CDSN: variants seen among roughly 807,000 people sequenced by gnomAD.
The protein encoded by CDSN is S protein.
CDSN carries 11 observed loss-of-function variants against 25.6 expected under a neutral mutation model. The ratio of observed to expected loss-of-function variants is 0.43; its 90% CI spans 0.27 to 0.71. The LOEUF (loss-of-function observed/expected upper bound fraction) is 0.71. Among genes scored for constraint, CDSN ranks in the 30% least tolerant of loss-of-function variants. The probability of loss-of-function intolerance (pLI) is 0.20; values close to 1 mark genes in which losing one functional copy is unlikely to be tolerated. For synonymous variants in CDSN, 266 were observed against 267.4 expected (o/e 0.99, Z 0.05); for missense variants, 598 against 670.9 (o/e 0.89, Z 1.20).
At position 31,115,264 on chromosome 6, in the gene CDSN, C is replaced by T; in HGVS notation, c.*761G>A. 4.2e-6 allele frequency: 1 copy of T among 238,628 alleles called. No homozygotes were observed. The allele number at this position is 238,628 out of a possible 1,614,324, so 14.8% of individuals were successfully genotyped here. A position where few individuals can be genotyped will look rare whatever the true frequency, so the allele number is the denominator to read the frequency against. ...CCAGGACTCCAAGAAGGCAAAAAGT[C>T]TGCACCTAGTCCCCACAGTTTACTG... On this transcript the variant is annotated 3_prime_UTR_variant, in exon 2 of 2. Coordinates refer to ENST00000376288, the MANE Select transcript of CDSN (RefSeq NM_001264.5). This position sits in a 1 kb window ranked among gnomAD's most constrained non-coding sequence, Gnocchi z 4.2.
At chr6:31,119,556 A>G (rs1251557941) in intron 1 of CDSN, among the ~76,000 whole-genome samples, 1 of 152,166 alleles carries the variant, frequency 6.6e-6, no homozygotes, top group Non-Finnish European at 1.5e-5. Context: ...CCTCATCTGT[A>G]GAGTGGAAAT....
Position 31,117,165 on chromosome 6 carries a change from GCTT to G in CDSN, c.447_449del (p.Ser153del), listed in dbSNP as rs34182778. ...TGCTGCTGCTCGAATGAGAGCTGCT[GCTT>G]CCCGAGTGAGAGCCGCTGTTTCCCG... On this transcript the variant is annotated inframe_deletion, in exon 2 of 2. Transcript: ENST00000376288. 0.23 allele frequency: 378,688 copies of G among 1,613,468 alleles called. 47,278 individuals are homozygous for G. The highest frequency in any genetic ancestry group is 0.25 in the Non-Finnish European group (300,361 of 1,179,550).
chr6:31,118,307 C>A (rs1772276419), intron 1 of CDSN: 1 of 152,442 alleles, frequency 6.6e-6, no homozygotes, highest in Non-Finnish European at 1.5e-5. Context: ...TATCTCAGCA[C>A]TGGCCATGCC....
At position 31,115,979 on chromosome 6, in the gene CDSN, G is replaced by T; in HGVS notation, c.*46C>A. The T allele has an allele frequency of 6.5e-7, 1 of 1,527,130 alleles. No homozygotes were observed. The highest frequency in any genetic ancestry group is 9.1e-7 in the Non-Finnish European group (1 of 1,104,568). 94.6% of individuals were successfully genotyped at this position (1,527,130 alleles called of 1,614,324 possible). A position where few individuals can be genotyped will look rare whatever the true frequency, so the allele number is the denominator to read the frequency against. The stretch of plus-strand genomic sequence containing the variant: ...TTCTCCCATATGGGATATAGTGTAT[G>T]TGCTTGTTTGTGCCCAAGGCATGCA... On this transcript the variant is annotated 3_prime_UTR_variant, in exon 2 of 2. Coordinates refer to ENST00000376288, the MANE Select transcript of CDSN (RefSeq NM_001264.5). This position sits in a 1 kb window ranked among gnomAD's most constrained non-coding sequence, Gnocchi z 4.2.
In CDSN at chr6:31,117,424, C is replaced by G. The variant is rs1371116630; in HGVS notation, c.191G>C (p.Gly64Ala). 8 of 1,560,356 alleles carry G rather than the reference C, an allele frequency of 5.1e-6. No homozygotes were observed. The highest frequency in any genetic ancestry group is 1.7e-4 in the Middle Eastern group (1 of 6,000). Reference sequence around the variant, plus strand: ...GCTGGAGCCACTGTAGCTACTGAAACCGCTGGAGTCACCCTTCCCAGTGAG... The same window carrying G: ...GCTGGAGCCACTGTAGCTACTGAAAGCGCTGGAGTCACCCTTCCCAGTGAG... ...PCLTGKGDSS[G>A]FSSYSGSSSS... Residue 64 changes from glycine (G) to alanine (A), a missense_variant, in exon 2 of 2, where the codon GGT becomes GCT. Physicochemically the swap from Gly to Ala is moderately conservative, Grantham distance 60. Transcript: ENST00000376288.
In CDSN at chr6:31,115,291, G is replaced by A; in HGVS notation, c.*734C>T. ...GCACCTAGTCCCCACAGTTTACTGAGCCATCTGTCCAGGATCCAGGGACAG... is the reference window on the plus strand; with the variant it reads ...GCACCTAGTCCCCACAGTTTACTGAACCATCTGTCCAGGATCCAGGGACAG... On this transcript the variant is annotated 3_prime_UTR_variant, in exon 2 of 2. Coordinates refer to ENST00000376288, the MANE Select transcript of CDSN (RefSeq NM_001264.5). This position sits in a 1 kb window ranked among gnomAD's most constrained non-coding sequence, Gnocchi z 4.2. 4.5e-6 allele frequency: 1 copy of A among 220,382 alleles called. No homozygotes were observed. Among genetic ancestry groups the A allele is most frequent in the Non-Finnish European group, 9.1e-6 (1 of 109,686 alleles). The allele number at this position is 220,382 out of a possible 1,614,324, so 13.7% of individuals were successfully genotyped here.
intron 1 of CDSN, among the ~76,000 whole-genome samples, chr6:31,119,032 G>A (rs1454263006): frequency 6.6e-6 from 1 of 151,648 alleles, no homozygotes; most frequent in Non-Finnish European, 1.5e-5. Flanking sequence ...TTAGTAGAGA[G>A]GGGGTTTCAC....
rs151161637 is a variant in CDSN at position 31,116,611 on chromosome 6, C to G, written c.1004G>C (p.Gly335Ala). The stretch of plus-strand genomic sequence containing the variant: ...GGGCCCAGCTGCAAAGGAAGGGACC[C>G]CTGGAGAGCCTTTCACAGGGTTCTC... The part of the protein sequence containing the change: ...TKENPVKGSP[G>A]VPSFAAGPPI... The change falls in exon 2 of 2, where the codon GGG (glycine) becomes GCG (alanine). Residue 335 changes from glycine (G) to alanine (A), a missense_variant. Gly to Ala is a moderately conservative substitution (Grantham distance 60, BLOSUM62 0). Transcript: ENST00000376288. The G allele has an allele frequency of 1.6e-4, 258 of 1,613,230 alleles. No homozygotes were observed. Among genetic ancestry groups the G allele is most frequent in the Non-Finnish European group, 2.1e-4 (251 of 1,180,004 alleles).
Position 31,116,745 on chromosome 6 carries a change from G to A in CDSN, c.870C>T (p.Asp290=), listed in dbSNP as rs747535254. Reference sequence around the variant, plus strand: ...CCACCTCGTAGCCACCATAGGATTTGTCTACAGAGGTGATTGGGGGACAGG... The same window carrying A: ...CCACCTCGTAGCCACCATAGGATTTATCTACAGAGGTGATTGGGGGACAGG... ...GKPCPPITSV[D]KSYGGYEVVG... The change falls in exon 2 of 2, where the codon GAC becomes GAT. Residue 290 remains aspartate (D), a synonymous_variant. Coordinates refer to ENST00000376288, the MANE Select transcript of CDSN (RefSeq NM_001264.5). The A allele has an allele frequency of 5.0e-6, 8 of 1,612,932 alleles. No homozygotes were observed. The African/African-American group carries it at 1.1e-4, about 22-fold the overall frequency.
chr6:31,119,200 C>T (rs1259322298), intron 1 of CDSN, among the ~76,000 whole-genome samples: 1 of 152,112 alleles, frequency 6.6e-6, no homozygotes, highest in Non-Finnish European at 1.5e-5. Flanking sequence ...GCCACTCATC[C>T]TGATCCCTCC....
chr6:31,117,033 T>G lies in CDSN; in HGVS notation c.582A>C (p.Gln194His). Residue 194 changes from glutamine to histidine, a missense_variant, in exon 2 of 2, where the codon CAA becomes CAC. Physicochemically the swap from Gln to His is conservative, Grantham distance 24 (BLOSUM62 0). Transcript: ENST00000376288. ...CAAAGGTCTGGGAAGAGGAAGAGCT[T>G]TGTCCAGGCTGGGAAGGGTTTAGTA... The part of the protein sequence containing the change: ...RGILNPSQPG[Q>H]SSSSSQTFGV... 6.2e-7 allele frequency: 1 copy of G among 1,614,216 alleles called. No individual in the cohort carries two copies. Among genetic ancestry groups the G allele is most frequent in the Non-Finnish European group, 8.5e-7 (1 of 1,180,038 alleles).
Position 31,117,087 on chromosome 6 carries a change from C to T in CDSN, c.528G>A (p.Leu176=), listed in dbSNP as rs184872133. Residue 176 remains leucine (L), a synonymous_variant, in exon 2 of 2, where the codon CTG becomes CTA. Transcript: ENST00000376288. ...SSFQVGNGSA[L]PTNDNSYRGI... ...CGCGGTAAGAGTTGTCATTGGTTGGCAGAGCAGAGCCATTCCCTACTTGGA... is the reference window on the plus strand; with the variant it reads ...CGCGGTAAGAGTTGTCATTGGTTGGTAGAGCAGAGCCATTCCCTACTTGGA... 2.9e-5 allele frequency: 47 copies of T among 1,614,184 alleles called. No individual in the cohort carries two copies. The East Asian group carries it at 1.0e-3, about 34-fold the overall frequency.
chr6:31,115,734 A>C lies in CDSN; in HGVS notation c.*291T>G. 2.0e-6 allele frequency: 1 copy of C among 494,384 alleles called. No individual in the cohort carries two copies. The highest frequency in any genetic ancestry group is 3.7e-5 in the South Asian group (1 of 26,844). 30.6% of individuals were successfully genotyped at this position (494,384 alleles called of 1,614,324 possible). A position where few individuals can be genotyped will look rare whatever the true frequency, so the allele number is the denominator to read the frequency against. On this transcript the variant is annotated 3_prime_UTR_variant, in exon 2 of 2. Transcript: ENST00000376288. This position sits in a 1 kb window ranked among gnomAD's most constrained non-coding sequence, Gnocchi z 4.2. ...TGGACCATTTCCACACAGTAGAGGG[A>C]ATTGTAAGGGGTGGTGATCTGGCTG...
intron 1 of CDSN, chr6:31,118,861 T>TTTG (rs1772311167): frequency 6.7e-6 from 1 of 148,768 alleles, no homozygotes; most frequent in African/African-American, 2.5e-5. Context: ...TTTTTTTTTT[T>TTTG]GTGAGATGGA....
intron 1 of CDSN, among the ~76,000 whole-genome samples, chr6:31,119,929 T>C (rs991550290): frequency 1.3e-5 from 2 of 152,000 alleles, no homozygotes; most frequent in African/African-American, 4.8e-5. Flanking sequence ...AAAATAAAAG[T>C]TCTAATATAT....
Position 31,116,036 on chromosome 6 carries a change from T to C in CDSN, c.1579A>G (p.Asn527Asp), listed in dbSNP as rs3130981. 1,206,854 of 1,606,800 alleles carry C rather than the reference T, an allele frequency of 0.75. 456,313 individuals are homozygous for C. The highest frequency in any genetic ancestry group is 0.9 in the African/African-American group (67,240 of 74,878). The change falls in exon 2 of 2, where the codon AAC becomes GAC. Residue 527 changes from asparagine (N) to aspartate (D), a missense_variant. Physicochemically the swap from Asn to Asp is conservative, Grantham distance 23. Coordinates refer to ENST00000376288, the MANE Select transcript of CDSN (RefSeq NM_001264.5). ...EVFLPQGELL[N>D]SP is the part of the protein sequence containing the mutation. ...CAACAGTTGACTTCTTATGGACTGT[T>C]GAGTAACTCTCCTTGGGGTAGGAAA...
In CDSN at chr6:31,117,068, A is replaced by G. The variant is rs1347017742; in HGVS notation, c.547T>C (p.Tyr183His). 1 of 1,614,198 alleles carries G rather than the reference A, an allele frequency of 6.2e-7. No homozygotes were observed. The highest frequency in any genetic ancestry group is 8.5e-7 in the Non-Finnish European group (1 of 1,180,032). ...GSALPTNDNS[Y>H]RGILNPSQPG... ...TGGGAAGGGTTTAGTATTCCGCGGT[A>G]AGAGTTGTCATTGGTTGGCAGAGCA... Residue 183 changes from tyrosine (Y) to histidine (H), a missense_variant, in exon 2 of 2, where the codon TAC (tyrosine) becomes CAC (histidine). Coordinates refer to ENST00000376288, the MANE Select transcript of CDSN (RefSeq NM_001264.5).
Position 31,117,045 on chromosome 6 carries a change from G to C in CDSN, c.570C>G (p.Ser190=), listed in dbSNP as rs1562752520. 2 of 1,614,238 alleles carry C rather than the reference G, an allele frequency of 1.2e-6. No individual in the cohort carries two copies. The highest frequency in any genetic ancestry group is 1.7e-6 in the Non-Finnish European group (2 of 1,180,044). ...DNSYRGILNP[S]QPGQSSSSSQ... is the part of the protein sequence containing the mutation. ...AAGAGGAAGAGCTTTGTCCAGGCTG[G>C]GAAGGGTTTAGTATTCCGCGGTAAG... The change falls in exon 2 of 2, where the codon TCC becomes TCG. Residue 190 remains serine, a synonymous_variant. Transcript: ENST00000376288.
chr6:31,119,195 T>C lies in CDSN; in HGVS notation c.85+1140A>G, dbSNP rs117441850. Among the ~76,000 whole-genome samples the C allele has an allele frequency of 9.4e-3, 1,435 of 152,226 alleles. 39 individuals carry two copies. The highest frequency in any genetic ancestry group is 0.078 in the South Asian group (377 of 4,816). On this transcript the variant is annotated intron_variant, in intron 1 of 1. Transcript: ENST00000376288. ...ATATATTATGAATTATTACTGCCAC[T>C]CATCCTGATCCCTCCACCAACAACC... is the stretch of plus-strand genomic sequence containing the variant.
Sources: allele counts gnomAD v4.1 joint callset (sites outside exome capture counted in the v4.1 genomes callset), GRCh38; gene constraint gnomAD v4.1.1; non-coding constraint Gnocchi (gnomAD v3.1); transcripts MANE v1.5; gene names NCBI Gene and HGNC (gene_info 2026-07-23, HGNC 2026-07-21).